BOP1: variants seen among roughly 807,000 people sequenced by gnomAD.
BOP1 encodes the protein ribosome biogenesis protein BOP1.
BOP1 carries 54 observed loss-of-function variants against 82.9 expected under a neutral mutation model. That is an observed-to-expected ratio of 0.65 (90% CI 0.52 to 0.82). The LOEUF is 0.82. Among genes scored for constraint, BOP1 ranks in the 40% least tolerant of loss-of-function variants. BOP1 has a pLI of 0.00. For synonymous variants in BOP1, 566 were observed against 451.1 expected (o/e 1.25, Z -3.23); for missense variants, 1,170 against 1,072.0 (o/e 1.09, Z -1.28).
chr8:144,291,144 C>G lies in BOP1; in HGVS notation c.99+128G>C. ...CCCCCCGATAGAGGAGCTGCACCCA[C>G]GCCCAAGACCGATTCACTGGGCGCG... is the stretch of plus-strand genomic sequence containing the variant. On this transcript the variant is annotated intron_variant, in intron 1 of 15. Coordinates refer to ENST00000569669, the MANE Select transcript of BOP1 (RefSeq NM_015201.5). This position sits in a 1 kb window ranked among gnomAD's most constrained non-coding sequence, Gnocchi z 4.1. The G allele has an allele frequency of 1.4e-6, 1 of 712,062 alleles. No individual in the cohort carries two copies. 44.1% of individuals were successfully genotyped at this position (712,062 alleles called of 1,614,324 possible).
At chr8:144,264,189 G>A (rs1845304044) in intron 7 of BOP1, 36 bp downstream of exon 7, 4 of 1,608,650 alleles carry the variant, frequency 2.5e-6, no homozygotes, top group African/African-American at 1.3e-5. Context: ...AGGGAAGCAT[G>A]GGGACAGGGT....
At chr8:144,278,929 G>A (rs946446570) in intron 2 of BOP1, among the ~76,000 whole-genome samples, 14 of 152,228 alleles carry the variant, frequency 9.2e-5, no homozygotes, top group Non-Finnish European at 1.2e-4. Context: ...AAATACAGCC[G>A]AAAAACATCC....
Position 144,263,897 on chromosome 8 carries a change from A to G in BOP1, c.1155T>C (p.Pro385=). The G allele has an allele frequency of 6.2e-7, 1 of 1,611,714 alleles. No homozygotes were observed. Among genetic ancestry groups the G allele is most frequent in the Non-Finnish European group, 8.5e-7 (1 of 1,179,558 alleles). ...GAGGCAGCTTGGGGATGAGGTCCTC[A>G]GGGTCTACATTCACCTGGGGCAGGA... ...RQRKMRVNVD[P]EDLIPKLPRP... is the part of the protein sequence containing the mutation. The change falls in exon 9 of 16, where the codon CCT becomes CCC. Residue 385 remains proline, a synonymous_variant. Transcript: ENST00000569669.
chr8:144,276,365 GGGATCCCA>G (rs1845568251), intron 2 of BOP1, 61 bp from the exon 3 acceptor site: 7 of 1,581,990 alleles, frequency 4.4e-6, no homozygotes, highest in Non-Finnish European at 6.0e-6. Flanking sequence ...TGACCTTGGG[GGGATCCCA>G]GGAAGCCCAC....
At chr8:144,290,173 A>G (rs1815003826) in intron 1 of BOP1, among the ~76,000 whole-genome samples, 1 of 152,144 alleles carries the variant, frequency 6.6e-6, no homozygotes, top group African/African-American at 2.4e-5. Flanking sequence ...AGCCTGGCCA[A>G]CATGGTGAAA....
chr8:144,266,722 G>T, intron 3 of BOP1: 1 of 1,187,546 alleles, frequency 8.4e-7, no homozygotes, highest in South Asian at 1.7e-5. Context: ...GGGCTCCGAC[G>T]AGAAACCCTG....
In BOP1 at chr8:144,291,291, TC is replaced by T; in HGVS notation, c.79del (p.Glu27SerfsTer163). ...AGTCACCTCCGGCTCGGGCTCAGGC[TC>T]CAGTTCGGGCTCAGACCGCCGCTTC... ...PEKRRSEPEL[E>X]PEPEPEPPLL... is the part of the protein sequence containing the mutation. On this transcript the variant is annotated frameshift_variant, in exon 1 of 16. Transcript: ENST00000569669. LOFTEE classifies it high-confidence loss of function. This position sits in a 1 kb window ranked among gnomAD's most constrained non-coding sequence, Gnocchi z 4.1. 6.9e-7 allele frequency: 1 copy of T among 1,459,490 alleles called. No homozygotes were observed. The highest frequency in any genetic ancestry group is 9.0e-7 in the Non-Finnish European group (1 of 1,107,794). 90.4% of individuals were successfully genotyped at this position (1,459,490 alleles called of 1,614,324 possible). A position where few individuals can be genotyped will look rare whatever the true frequency, so the allele number is the denominator to read the frequency against.
At chr8:144,267,083 GCCCCCCGCCGCC>G in intron 3 of BOP1, 1 of 1,369,688 alleles carries the variant, frequency 7.3e-7, no homozygotes, top group Non-Finnish European at 9.3e-7. Flanking sequence ...CGCGCCGGCA[GCCCCCCGCCGCC>G]GCCCCCGCCG....
intron 3 of BOP1, chr8:144,267,219 C>G (rs1845394502): frequency 1.2e-5 from 18 of 1,484,890 alleles, no homozygotes; most frequent in Non-Finnish European, 1.6e-5. Flanking sequence ...GGGCCTCCAA[C>G]GCGCCCCTCA....
chr8:144,268,410 C>T, intron 3 of BOP1: 3 of 578,956 alleles, frequency 5.2e-6, no homozygotes, highest in Non-Finnish European at 6.1e-6. Flanking sequence ...GTGATGGCAT[C>T]TTGTGTTTTT....
chr8:144,264,107 C>T lies in BOP1; in HGVS notation c.1014G>A (p.Arg338=), dbSNP rs1845302276. ...ACTTGCGTGGCAAAAAGCTCAGCTT[C>T]CTCTCGCCTGGCTCCTGCTGTTCCC... The part of the protein sequence containing the change: ...LAWEQQEPGE[R]KLSFLPRKFP... The change falls in exon 8 of 16, where the codon AGG becomes AGA. Residue 338 remains arginine (R), a synonymous_variant. Coordinates refer to ENST00000569669, the MANE Select transcript of BOP1 (RefSeq NM_015201.5). 3 of 1,610,496 alleles carry T rather than the reference C, an allele frequency of 1.9e-6. No homozygotes were observed. The highest frequency in any genetic ancestry group is 1.1e-5 in the South Asian group (1 of 90,846).
Position 144,265,064 on chromosome 8 carries a change from C to T in BOP1, c.398G>A (p.Arg133Gln), listed in dbSNP as rs1220835216. ...AEDSSDEEDI[R>Q]NTVGNVPLEW... Reference sequence around the variant, plus strand: ...CAAGGGCACGTTGCCCACCGTGTTCCGGATGTCCTGCAGCCGGGGGCCACC... The same window carrying T: ...CAAGGGCACGTTGCCCACCGTGTTCTGGATGTCCTGCAGCCGGGGGCCACC... Residue 133 changes from arginine (R) to glutamine (Q), a missense_variant, in exon 4 of 16, where the codon CGG becomes CAG. Transcript: ENST00000569669. 11 of 1,609,418 alleles carry T rather than the reference C, an allele frequency of 6.8e-6. No homozygotes were observed. Among genetic ancestry groups the T allele is most frequent in the South Asian group, 1.1e-5 (1 of 90,890 alleles).
Position 144,262,314 on chromosome 8 carries a change from G to T in BOP1, c.2091C>A (p.Asp697Glu). ...GCACCAGCAAGGGGTTCTGCAGAAGGTCACTGTGGGGACGAGGAGGGCTCA... is the reference window on the plus strand; with the variant it reads ...GCACCAGCAAGGGGTTCTGCAGAAGTTCACTGTGGGGACGAGGAGGGCTCA... ...VIVCHGMVYN[D>E]LLQNPLLVPV... is the part of the protein sequence containing the mutation. The change falls in exon 16 of 16, where the codon GAC (aspartate) becomes GAA (glutamate). Residue 697 changes from aspartate to glutamate, a missense_variant. Coordinates refer to ENST00000569669, the MANE Select transcript of BOP1 (RefSeq NM_015201.5). The T allele has an allele frequency of 6.2e-7, 1 of 1,612,870 alleles. No individual in the cohort carries two copies. Among genetic ancestry groups the T allele is most frequent in the Admixed American group, 1.7e-5 (1 of 59,998 alleles).
chr8:144,270,032 C>A (rs1225741594), intron 3 of BOP1, among the ~76,000 whole-genome samples: 2 of 152,210 alleles, frequency 1.3e-5, no homozygotes, highest in Non-Finnish European at 2.9e-5. Flanking sequence ...CAGACCTGGG[C>A]CTAGTGGGGG....
Position 144,262,397 on chromosome 8 carries a change from T to C in BOP1, c.2086A>G (p.Asn696Asp). 6.2e-7 allele frequency: 1 copy of C among 1,612,672 alleles called. No homozygotes were observed. Among genetic ancestry groups the C allele is most frequent in the South Asian group, 1.1e-5 (1 of 91,072 alleles). The part of the protein sequence containing the change: ...SVIVCHGMVY[N>D]DLLQNPLLVP... ...GGGCCAGGCAGGGTCAGCACTCACTTGTACACCATGCCATGGCAGACGATG... is the reference window on the plus strand; with the variant it reads ...GGGCCAGGCAGGGTCAGCACTCACTCGTACACCATGCCATGGCAGACGATG... The change falls in exon 15 of 16, where the codon AAT becomes GAT. Residue 696 changes from asparagine to aspartate, a missense_variant and splice_region_variant. Physicochemically the swap from Asn to Asp is conservative, Grantham distance 23 (BLOSUM62 1). Coordinates refer to ENST00000569669, the MANE Select transcript of BOP1 (RefSeq NM_015201.5).
At chr8:144,288,127 GAGCCTGGTAGTGGGCACCTGTAATCCC>G (rs1382808323) in intron 2 of BOP1, among the ~76,000 whole-genome samples, 1 of 151,938 alleles carries the variant, frequency 6.6e-6, no homozygotes, top group African/African-American at 2.4e-5. Flanking sequence ...AAAATTAGCC[GAGCCTGGTAGTGGGCACCTGTAATCCC>G]AGCTACTCAG....
intron 3 of BOP1, among the ~76,000 whole-genome samples, chr8:144,272,538 G>A (rs1845507581): frequency 6.6e-6 from 1 of 151,840 alleles, no homozygotes; most frequent in African/African-American, 2.4e-5. Flanking sequence ...CCAGCCCCAG[G>A]GCAAAGCCTC....
intron 2 of BOP1, among the ~76,000 whole-genome samples, chr8:144,288,609 T>C (rs1267373026): frequency 6.6e-6 from 1 of 152,090 alleles, no homozygotes; most frequent in Non-Finnish European, 1.5e-5. Flanking sequence ...TCAATAAGAG[T>C]AGGGTGCATC....
chr8:144,268,577 G>A, intron 3 of BOP1: 1 of 230,494 alleles, frequency 4.3e-6, no homozygotes, highest in Non-Finnish European at 8.5e-6. Context: ...ATCCTCCTTG[G>A]GCCAAGTACC....
Sources: gnomAD v4.1 joint callset for allele counts (sites outside exome capture counted in the v4.1 genomes callset) on GRCh38, gnomAD v4.1.1 for gene constraint, Gnocchi (gnomAD v3.1) non-coding constraint, MANE v1.5 for transcripts, NCBI Gene and HGNC (gene_info 2026-07-23, HGNC 2026-07-21) for gene names.